Variants in XRCC4 observed in about 807,000 individuals in gnomAD.
XRCC4 encodes X-ray repair cross complementing 4.
A neutral mutation model predicts 39.1 loss-of-function variants in XRCC4; 28 were observed. The observed-to-expected ratio is 0.72, with a 90% CI of 0.53 to 0.98. XRCC4 has a LOEUF of 0.98. Ranked by LOEUF, XRCC4 falls within the 50% of genes least tolerant of loss-of-function variation. The pLI is 0.00. For synonymous variants in XRCC4, 123 were observed against 126.4 expected (o/e 0.97, Z 0.18); for missense variants, 350 against 376.4 (o/e 0.93, Z 0.58).
chr5:83,367,617 C>T, the XRCC4 span, among the ~76,000 whole-genome samples: 1 of 152,124 alleles, frequency 6.6e-6, no homozygotes, highest in African/African-American at 2.4e-5. Flanking sequence ...TGAAACTTGA[C>T]ATACACACAG....
chr5:83,267,842 G>T (rs959606164), intron 7 of XRCC4, among the ~76,000 whole-genome samples: 3 of 152,142 alleles, frequency 2.0e-5, no homozygotes, highest in Non-Finnish European at 2.9e-5. Context: ...TAAAACAAAC[G>T]CATGGAGAAA....
At chr5:83,116,129 A>G (rs901274339) in intron 3 of XRCC4, among the ~76,000 whole-genome samples, 1 of 152,214 alleles carries the variant, frequency 6.6e-6, no homozygotes, top group African/African-American at 2.4e-5. Flanking sequence ...CAGACAGAAT[A>G]CTTTTTTAAA....
intron 1 of XRCC4, among the ~76,000 whole-genome samples, chr5:83,098,682 ATCTT>A (rs1745789647): frequency 6.6e-6 from 1 of 152,112 alleles, no homozygotes; most frequent in African/African-American, 2.4e-5. Flanking sequence ...AAAAAAAAAA[ATCTT>A]AATTTACCCT....
downstream of XRCC4, among the ~76,000 whole-genome samples, chr5:83,355,409 A>T (rs1389750752): frequency 2.0e-5 from 3 of 152,110 alleles, no homozygotes; most frequent in Admixed American, 2.0e-4. Flanking sequence ...TATCCCCAGT[A>T]CTAAGAGCAA....
At chr5:83,359,454 T>C in the XRCC4 span, among the ~76,000 whole-genome samples, 2 of 152,110 alleles carry the variant, frequency 1.3e-5, no homozygotes. Flanking sequence ...ATCTATAAAT[T>C]ACCAGAGAAT....
At chr5:83,256,100 T>TTAG (rs1372889099) in intron 6 of XRCC4, among the ~76,000 whole-genome samples, 1 of 152,318 alleles carries the variant, frequency 6.6e-6, no homozygotes, top group East Asian at 1.9e-4. Flanking sequence ...AGTATACTGA[T>TTAG]TAGTAAGTCA....
At chr5:83,362,011 C>T in the XRCC4 span, among the ~76,000 whole-genome samples, 1 of 152,156 alleles carries the variant, frequency 6.6e-6, no homozygotes, top group Non-Finnish European at 1.5e-5. Context: ...AGCAACTTAG[C>T]TGCCTCTTTC....
At chr5:83,329,412 G>A (rs114082050) in intron 7 of XRCC4, among the ~76,000 whole-genome samples, 1,958 of 152,050 alleles carry the variant, frequency 0.013, 32 homozygotes, top group African/African-American at 0.044. Context: ...TCTCTAAGTC[G>A]ATTAAATAAA....
chr5:83,152,123 T>C (rs1382009626), intron 3 of XRCC4, among the ~76,000 whole-genome samples: 2 of 152,048 alleles, frequency 1.3e-5, no homozygotes, highest in Non-Finnish European at 2.9e-5. Flanking sequence ...GCAACTAAAG[T>C]ATTGAATTAA....
intron 3 of XRCC4, among the ~76,000 whole-genome samples, chr5:83,119,895 T>C (rs1266139649): frequency 6.6e-6 from 1 of 151,820 alleles, no homozygotes; most frequent in Non-Finnish European, 1.5e-5. Context: ...GAGAATAACT[T>C]TAGCTGGGGA....
chr5:83,119,998 C>CAAAAAAAAAAAAAAAAAAAAAAA, intron 3 of XRCC4, among the ~76,000 whole-genome samples: 1 of 62,108 alleles, frequency 1.6e-5, no homozygotes, highest in Non-Finnish European at 3.3e-5. Context: ...CCTTGTCTCA[C>CAAAAAAAAAAAAAAAAAAAAAAA]AAAAAAAAAA....
chr5:83,373,712 T>A, the XRCC4 span, among the ~76,000 whole-genome samples: 1 of 152,214 alleles, frequency 6.6e-6, no homozygotes, highest in African/African-American at 2.4e-5. Context: ...GCTTTTTCTC[T>A]ATTTTTTTTA....
intron 7 of XRCC4, among the ~76,000 whole-genome samples, chr5:83,315,937 C>A (rs1204650808): frequency 6.6e-6 from 1 of 152,146 alleles, no homozygotes; most frequent in Non-Finnish European, 1.5e-5. Context: ...AAGGCTACAA[C>A]TGCCATAGAT....
At chr5:83,141,551 A>G (rs572770398) in intron 3 of XRCC4, among the ~76,000 whole-genome samples, 31 of 152,148 alleles carry the variant, frequency 2.0e-4, no homozygotes, top group African/African-American at 7.2e-4. Context: ...CATTTTTCCA[A>G]TTGCGAGTGA....
the XRCC4 span, among the ~76,000 whole-genome samples, chr5:83,371,125 C>A: frequency 4.6e-5 from 7 of 152,252 alleles, no homozygotes; most frequent in East Asian, 1.4e-3. Context: ...CCCTTTCATC[C>A]ACTCTTCTCT....
At chr5:83,118,239 G>T (rs975331140) in intron 3 of XRCC4, among the ~76,000 whole-genome samples, 1 of 151,334 alleles carries the variant, frequency 6.6e-6, no homozygotes, top group African/African-American at 2.4e-5. Context: ...GGCAAACCTG[G>T]GTTAATATAA....
intron 6 of XRCC4, among the ~76,000 whole-genome samples, chr5:83,233,164 C>A (rs1011017679): frequency 2.0e-5 from 3 of 152,152 alleles, no homozygotes; most frequent in African/African-American, 7.2e-5. Context: ...ATGCGGTCAT[C>A]ATTTAAAAGT....
chr5:83,273,816 G>T (rs534233943), intron 7 of XRCC4, among the ~76,000 whole-genome samples: 52 of 152,096 alleles, frequency 3.4e-4, no homozygotes, highest in Non-Finnish European at 6.8e-4. Context: ...TTTGGTTACT[G>T]TAGCCTTGTA....
At position 83,162,459 on chromosome 5, in the gene XRCC4, A is replaced by G. The variant is rs556950998; in HGVS notation, c.316-33311A>G. The stretch of plus-strand genomic sequence containing the variant: ...CCCTTATTGTCAGATTCCTGTTTGA[A>G]TTCAATGTGTAATAATGGCTTATGG... On this transcript the variant is annotated intron_variant, in intron 3 of 7. Transcript: ENST00000396027. Among the ~76,000 whole-genome samples the G allele has an allele frequency of 1.8e-4, 27 of 152,282 alleles. No homozygotes were observed. The East Asian group carries it at 5.0e-3, about 28-fold the overall frequency.
Sources: allele counts gnomAD v4.1 joint callset (sites outside exome capture counted in the v4.1 genomes callset), GRCh38; gene constraint gnomAD v4.1.1; transcripts MANE v1.5; gene names NCBI Gene and HGNC (gene_info 2026-07-23, HGNC 2026-07-21).